Variants in ROS1 observed in about 807,000 individuals in gnomAD.
ROS1 encodes the protein proto-oncogene tyrosine-protein kinase ROS.
In ROS1, 263 loss-of-function variants were observed where a neutral mutation model predicts 273.5. That is an observed-to-expected ratio of 0.96 (90% CI 0.87 to 1.06). ROS1 has a LOEUF of 1.06. Among genes scored for constraint, ROS1 ranks in the 50% least tolerant of loss-of-function variants. The pLI is 0.00. For missense variants in ROS1, 2,833 were observed against 2,751.1 expected, an observed-to-expected ratio of 1.03 and a Z score of -0.67; for synonymous variants, 1,008 against 954.1, an observed-to-expected ratio of 1.06 and a Z score of -1.04.
chr6:117,378,534 GA>G (rs1396521737), intron 18 of ROS1, among the ~76,000 whole-genome samples: 1 of 152,086 alleles, frequency 6.6e-6, no homozygotes, highest in Non-Finnish European at 1.5e-5. Context: ...GAACACTTAA[GA>G]TCTGAATATT....
chr6:117,317,696 A>G (rs771759677), intron 38 of ROS1, among the ~76,000 whole-genome samples: 18 of 152,094 alleles, frequency 1.2e-4, no homozygotes, highest in African/African-American at 4.3e-4. Context: ...GTAAGTCCCA[A>G]CCTAATAATT....
chr6:117,403,379 G>T, intron 6 of ROS1, 102 bp from the exon 7 acceptor site: 1 of 1,173,430 alleles, frequency 8.5e-7, no homozygotes, highest in Non-Finnish European at 1.2e-6. Flanking sequence ...GCTCAACAGA[G>T]AAGATGAAAT....
chr6:117,385,721 G>A lies in ROS1; in HGVS notation c.2251C>T (p.Leu751=), dbSNP rs1347143996. The change falls in exon 16 of 44, where the codon CTG becomes TTG. Residue 751 remains leucine, a synonymous_variant. Coordinates refer to ENST00000368507, the MANE Select transcript of ROS1 (RefSeq NM_001378902.1). Reference sequence around the variant, plus strand: ...CCAGCCCAGTAGAGAAAGTGACCCAGCCACTCAAAAGCTAAAGCCCCTGCT... The same window carrying A: ...CCAGCCCAGTAGAGAAAGTGACCCAACCACTCAAAAGCTAAAGCCCCTGCT... ...AGAGALAFEW[L]GHFLYWAGKT... is the part of the protein sequence containing the mutation. The A allele has an allele frequency of 6.2e-7, 1 of 1,614,040 alleles. No homozygotes were observed. The highest frequency in any genetic ancestry group is 1.1e-5 in the South Asian group (1 of 91,064).
chr6:117,396,718 G>T (rs1693717787), intron 8 of ROS1, among the ~76,000 whole-genome samples, 197 bp downstream of exon 8: 1 of 152,120 alleles, frequency 6.6e-6, no homozygotes, highest in South Asian at 2.1e-4. Flanking sequence ...AAATACTTGA[G>T]AATGTTTTTG....
rs764306575 is a variant in ROS1 at position 117,365,641 on chromosome 6, A to G, written c.2898T>C (p.Gly966=). 1.2e-6 allele frequency: 2 copies of G among 1,612,140 alleles called. No homozygotes were observed. Among genetic ancestry groups the G allele is most frequent in the Non-Finnish European group, 1.7e-6 (2 of 1,178,438 alleles). Residue 966 remains glycine, a synonymous_variant, in exon 20 of 44, where the codon GGT becomes GGC. Coordinates refer to ENST00000368507, the MANE Select transcript of ROS1 (RefSeq NM_001378902.1). ...NASSFQILWN[G]PPAVDWGVVF... ...CTACACCCCAGTCTACCGCAGGGGG[A>G]CCATTCCACAGGATTTGAAAACTTG... is the stretch of plus-strand genomic sequence containing the variant.
intron 28 of ROS1, 106 bp downstream of exon 28, chr6:117,343,954 A>G: frequency 1.1e-6 from 1 of 906,022 alleles, no homozygotes; most frequent in Non-Finnish European, 1.7e-6. Flanking sequence ...AAAGTTGCGT[A>G]CTAGTCCATT....
chr6:117,407,086 T>C (rs1774472525), intron 5 of ROS1, among the ~76,000 whole-genome samples: 1 of 151,682 alleles, frequency 6.6e-6, no homozygotes, highest in African/African-American at 2.4e-5. Flanking sequence ...AAAAATGTAA[T>C]ATCACTACCT....
At chr6:117,320,094 T>G in intron 36 of ROS1, 64 bp from the exon 37 acceptor site, 1 of 1,397,188 alleles carries the variant, frequency 7.2e-7, no homozygotes, top group East Asian at 2.3e-5. Context: ...AAGTTTGTGT[T>G]GGTATTGGTA....
At chr6:117,312,822 A>G (rs897611146) in intron 39 of ROS1, among the ~76,000 whole-genome samples, 1 of 152,070 alleles carries the variant, frequency 6.6e-6, no homozygotes, top group Admixed American at 6.6e-5. Context: ...GATAGATTAA[A>G]CTTTGATCTC....
chr6:117,380,498 A>AT (rs3839365), intron 17 of ROS1, among the ~76,000 whole-genome samples: 43,667 of 148,884 alleles, frequency 0.29, 6,753 homozygotes, highest in South Asian at 0.41. Flanking sequence ...AGATCTATTG[A>AT]TTTTTTTTTT....
chr6:117,312,008 A>G (rs1269663307), intron 39 of ROS1, among the ~76,000 whole-genome samples: 2 of 151,984 alleles, frequency 1.3e-5, no homozygotes, highest in East Asian at 3.9e-4. Context: ...CCCTTCCTGT[A>G]GAGTCCATTA....
At chr6:117,402,669 C>G (rs1405866793) in intron 7 of ROS1, among the ~76,000 whole-genome samples, 2 of 152,124 alleles carry the variant, frequency 1.3e-5, no homozygotes, top group Non-Finnish European at 2.9e-5. Flanking sequence ...GGGCAGATCA[C>G]TTGAGGTCAG....
At chr6:117,330,239 A>T (rs1776983130) in intron 32 of ROS1, among the ~76,000 whole-genome samples, 1 of 151,908 alleles carries the variant, frequency 6.6e-6, no homozygotes, top group Admixed American at 6.5e-5. Context: ...TCTAACCCTC[A>T]CCCATCCTTC....
intron 4 of ROS1, among the ~76,000 whole-genome samples, chr6:117,411,035 G>C (rs1373411711): frequency 2.0e-5 from 3 of 152,018 alleles, no homozygotes; most frequent in Non-Finnish European, 2.9e-5. Context: ...GAGGAGAAGA[G>C]ACGAGATGTA....
intron 22 of ROS1, among the ~76,000 whole-genome samples, chr6:117,361,116 C>T (rs963543662): frequency 3.3e-5 from 5 of 152,114 alleles, no homozygotes; most frequent in African/African-American, 1.2e-4. Context: ...TATGTAGAAA[C>T]TGGCATCAGA....
At chr6:117,306,540 G>A (rs993931767) in intron 42 of ROS1, among the ~76,000 whole-genome samples, 7 of 152,292 alleles carry the variant, frequency 4.6e-5, no homozygotes, top group East Asian at 3.9e-4. Context: ...GCTATGGAGA[G>A]AAGGGCAGGA....
At chr6:117,394,393 G>A (rs1303007431) in intron 10 of ROS1, 47 bp from the exon 11 acceptor site, 1 of 1,319,520 alleles carries the variant, frequency 7.6e-7, no homozygotes, top group Admixed American at 2.8e-5. Flanking sequence ...TAACAACCAG[G>A]ACAAAAAACT....
chr6:117,388,020 T>C, intron 13 of ROS1, 28 bp from the exon 14 acceptor site: 1 of 1,613,790 alleles, frequency 6.2e-7, no homozygotes, highest in Non-Finnish European at 8.5e-7. Context: ...ATAATATCAC[T>C]GATCAGGATG....
chr6:117,373,484 A>C (rs993456335), intron 18 of ROS1, among the ~76,000 whole-genome samples: 4 of 152,228 alleles, frequency 2.6e-5, no homozygotes, highest in African/African-American at 9.6e-5. Flanking sequence ...GCAGGCCAGC[A>C]GTGCTGGGGG....
Sources: gnomAD v4.1 joint callset for allele counts (sites outside exome capture counted in the v4.1 genomes callset) on GRCh38, gnomAD v4.1.1 for gene constraint, MANE v1.5 for transcripts, NCBI Gene and HGNC (gene_info 2026-07-23, HGNC 2026-07-21) for gene names.